The following SCNN1B variants were observed in gnomAD, a reference collection of about 807,000 sequenced individuals.
The protein encoded by SCNN1B is epithelial sodium channel subunit beta.
Under a neutral mutation model 65.3 loss-of-function variants are expected in SCNN1B, and 46 were observed. The observed-to-expected ratio is 0.70, with a 90% CI of 0.56 to 0.90. SCNN1B has a LOEUF of 0.90. Ranked by LOEUF, SCNN1B falls within the 40% of genes least tolerant of loss-of-function variation. The pLI is 0.00. For missense variants in SCNN1B, 751 were observed against 830.5 expected (o/e 0.90, Z 1.18); for synonymous variants, 349 against 330.6 (o/e 1.06, Z -0.60).
intron 2 of SCNN1B, among the ~76,000 whole-genome samples, chr16:23,296,089 A>G (rs1313103944): frequency 2.0e-5 from 3 of 152,120 alleles, no homozygotes; most frequent in East Asian, 1.9e-4. Flanking sequence ...TTTGTGGCCA[A>G]TTGGCCGGGC....
Position 23,286,997 on chromosome 16 carries a change from T to C in SCNN1B, n.178+3193T>C, listed in dbSNP as rs544408998. ...GTTGTTGTTGTTGCTGTTGTTGTTG[T>C]TGCTGGGTTGTTTTTTTTTTTTTTG... On this transcript the variant is annotated intron_variant and non_coding_transcript_variant, in intron 2 of 3. Transcript: ENST00000569789. Among the ~76,000 whole-genome samples the C allele has an allele frequency of 7.4e-5, 10 of 135,424 alleles. No homozygotes were observed. The East Asian group carries it at 2.3e-3, about 32-fold the overall frequency. 88.8% of individuals were successfully genotyped at this position (135,424 alleles called of 152,430 possible).
intron 4 of SCNN1B, among the ~76,000 whole-genome samples, chr16:23,365,483 A>AAGAGAGAAAGAAAAAG (rs1962631985): frequency 6.9e-6 from 1 of 145,540 alleles, no homozygotes; most frequent in Non-Finnish European, 1.5e-5. Flanking sequence ...AGAGAAAGAA[A>AAGAGAGAAAGAAAAAG]AAGAAGAAAA....
rs373232226 is a variant in SCNN1B at position 23,355,467 on chromosome 16, G to A, written c.754G>A (p.Gly252Arg). 85 of 1,613,952 alleles carry A rather than the reference G, an allele frequency of 5.3e-5. No homozygotes were observed. The highest frequency in any genetic ancestry group is 6.6e-5 in the South Asian group (6 of 91,052). Residue 252 changes from glycine (G) to arginine (R), a missense_variant, in exon 4 of 13, where the codon GGA becomes AGA. Gly to Arg is a moderately radical substitution (Grantham distance 125, BLOSUM62 -2). Coordinates refer to ENST00000343070, the MANE Select transcript of SCNN1B (RefSeq NM_000336.3). ...GEQMILACLF[G>R]AEPCNYRNFT... Reference sequence around the variant, plus strand: ...GCAGATGATCCTGGCCTGCCTATTCGGAGCTGAGCCCTGCAACTACCGGTG... The same window carrying A: ...GCAGATGATCCTGGCCTGCCTATTCAGAGCTGAGCCCTGCAACTACCGGTG...
At position 23,379,953 on chromosome 16, in the gene SCNN1B, C is replaced by T. The variant is rs72654350; in HGVS notation, c.1467-141C>T. On this transcript the variant is annotated intron_variant, in intron 11 of 12. Transcript: ENST00000343070. ...CTGCCTTCCTGTGTGCATGTGTGCACGGGTGTGTGGGTACATGTGTGTGCA... is the reference window on the plus strand; with the variant it reads ...CTGCCTTCCTGTGTGCATGTGTGCATGGGTGTGTGGGTACATGTGTGTGCA... 2.3e-4 allele frequency: 170 copies of T among 747,632 alleles called. 1 individual carries two copies. Among genetic ancestry groups the T allele is most frequent in the Admixed American group, 3.3e-4 (17 of 51,030 alleles). 46.3% of individuals were successfully genotyped at this position (747,632 alleles called of 1,614,324 possible).
chr16:23,278,575 G>C (rs1027811318), intron 1 of SCNN1B, among the ~76,000 whole-genome samples: 1 of 152,044 alleles, frequency 6.6e-6, no homozygotes, highest in African/African-American at 2.4e-5. Context: ...GAGACGGGAG[G>C]GGGGTAACTG....
At chr16:23,292,095 C>G (rs184618744) in intron 2 of SCNN1B, among the ~76,000 whole-genome samples, 317 of 152,112 alleles carry the variant, frequency 2.1e-3, no homozygotes, top group African/African-American at 6.9e-3. Flanking sequence ...GGCTTTCACC[C>G]TGCCCCCTGC....
At chr16:23,377,270 G>C in intron 9 of SCNN1B, 30 bp downstream of exon 9, 1 of 1,614,136 alleles carries the variant, frequency 6.2e-7, no homozygotes, top group Non-Finnish European at 8.5e-7. Context: ...CACAGCAGCG[G>C]GCAGGCATGG....
intron 1 of SCNN1B, among the ~76,000 whole-genome samples, chr16:23,309,830 G>A (rs1175970480): frequency 6.6e-6 from 1 of 152,192 alleles, no homozygotes; most frequent in African/African-American, 2.4e-5. Flanking sequence ...TTGACACTCA[G>A]TATTAAGCAT....
chr16:23,291,074 T>C (rs1453320027), intron 2 of SCNN1B, among the ~76,000 whole-genome samples: 1 of 151,298 alleles, frequency 6.6e-6, no homozygotes, highest in Non-Finnish European at 1.5e-5. Context: ...TTTTCTTTTT[T>C]TTTTTTTGGC....
chr16:23,351,715 C>T (rs986034232), intron 2 of SCNN1B, among the ~76,000 whole-genome samples: 1 of 152,164 alleles, frequency 6.6e-6, no homozygotes, highest in African/African-American at 2.4e-5. Context: ...GTGCAGGGCC[C>T]GGCCCCGCAG....
chr16:23,348,732 G>A lies in SCNN1B; in HGVS notation c.133G>A (p.Gly45Arg). ...CGGCCCCAAGCGCATCATCTGTGAG[G>A]GGCCCAAGAAGAAAGCCATGTGGTT... ...THGPKRIICE[G>R]PKKKAMWFLL... is the part of the protein sequence containing the mutation. Residue 45 changes from glycine (G) to arginine (R), a missense_variant, in exon 2 of 13, where the codon GGG becomes AGG. Physicochemically the swap from Gly to Arg is moderately radical, Grantham distance 125. Coordinates refer to ENST00000343070, the MANE Select transcript of SCNN1B (RefSeq NM_000336.3). This position sits in a 1 kb window ranked among gnomAD's most constrained non-coding sequence, Gnocchi z 4.5. 6.2e-7 allele frequency: 1 copy of A among 1,614,168 alleles called. No individual in the cohort carries two copies. Among genetic ancestry groups the A allele is most frequent in the Non-Finnish European group, 8.5e-7 (1 of 1,180,030 alleles).
chr16:23,331,074 G>T (rs771730499), intron 1 of SCNN1B, among the ~76,000 whole-genome samples: 1 of 152,194 alleles, frequency 6.6e-6, no homozygotes, highest in Non-Finnish European at 1.5e-5. Flanking sequence ...TTCCATCTCA[G>T]GACCAGCTAG....
At chr16:23,359,343 G>A (rs1475471985) in intron 4 of SCNN1B, 1 of 152,232 alleles carries the variant, frequency 6.6e-6, no homozygotes, top group Non-Finnish European at 1.5e-5. Context: ...TCACTCTATT[G>A]CCTCATCAGA....
At chr16:23,356,647 AAAAAAC>A (rs1409840742) in intron 4 of SCNN1B, among the ~76,000 whole-genome samples, 4 of 152,136 alleles carry the variant, frequency 2.6e-5, no homozygotes, top group Non-Finnish European at 5.9e-5. Flanking sequence ...ACAAAAAACA[AAAAAAC>A]ACGAGGTTAT....
At chr16:23,315,125 T>C (rs1345681876) in intron 1 of SCNN1B, among the ~76,000 whole-genome samples, 1 of 151,570 alleles carries the variant, frequency 6.6e-6, no homozygotes, top group Admixed American at 6.6e-5. Context: ...TCACCTGAGG[T>C]TGGGAGTTTG....
At chr16:23,285,904 G>A (rs1253827245) in intron 2 of SCNN1B, among the ~76,000 whole-genome samples, 1 of 152,140 alleles carries the variant, frequency 6.6e-6, no homozygotes, top group East Asian at 1.9e-4. Flanking sequence ...AACCCAGGAG[G>A]CAGAAGTTGC....
chr16:23,305,564 ATATATATATATAT>A (rs56332615), intron 1 of SCNN1B, among the ~76,000 whole-genome samples: 15 of 41,334 alleles, frequency 3.6e-4, no homozygotes, highest in Non-Finnish European at 5.0e-4. Flanking sequence ...ATATATATAT[ATATATATATATAT>A]TATATATATA....
chr16:23,374,371 C>T (rs558095011), intron 7 of SCNN1B, among the ~76,000 whole-genome samples: 1 of 149,652 alleles, frequency 6.7e-6, no homozygotes, highest in Non-Finnish European at 1.5e-5. Flanking sequence ...GTCAGGAGTT[C>T]GAGACCAGCC....
chr16:23,369,500 A>G (rs189570563), intron 5 of SCNN1B, among the ~76,000 whole-genome samples: 5 of 152,170 alleles, frequency 3.3e-5, no homozygotes, highest in African/African-American at 1.2e-4. Flanking sequence ...CATGTGTTGC[A>G]CTGACCCCTA....
Sources: allele counts gnomAD v4.1 joint callset (sites outside exome capture counted in the v4.1 genomes callset), GRCh38; gene constraint gnomAD v4.1.1; non-coding constraint Gnocchi (gnomAD v3.1); transcripts MANE v1.5; gene names NCBI Gene and HGNC (gene_info 2026-07-23, HGNC 2026-07-21).